The following KIRREL3 variants were observed in gnomAD, a reference collection of about 807,000 sequenced individuals.
The protein encoded by KIRREL3 is kin of IRRE-like protein 3.
In KIRREL3, 36 loss-of-function variants were observed where a neutral mutation model predicts 89.7. The ratio of observed to expected loss-of-function variants is 0.40; its 90% CI spans 0.31 to 0.53. The LOEUF (loss-of-function observed/expected upper bound fraction) is 0.53, where lower values mean the gene tolerates loss of function less well. Among genes scored for constraint, KIRREL3 ranks in the 20% least tolerant of loss-of-function variants. KIRREL3 has a pLI of 0.49. For synonymous variants in KIRREL3, 445 were observed against 441.4 expected, an observed-to-expected ratio of 1.01 and a Z score of -0.10; for missense variants, 864 against 1,056.6, an observed-to-expected ratio of 0.82 and a Z score of 2.53.
chr11:126,740,369 A>G lies in KIRREL3; in HGVS notation c.56-177457T>C, dbSNP rs1948940298. Reference sequence around the variant, plus strand: ...TGCTGCATTGCTAAACTCAGTGGAGATGGTATTCATTCTGTGTTTGGTGCT... The same window carrying G: ...TGCTGCATTGCTAAACTCAGTGGAGGTGGTATTCATTCTGTGTTTGGTGCT... On this transcript the variant is annotated intron_variant, in intron 1 of 16. Coordinates refer to ENST00000525144, the MANE Select transcript of KIRREL3 (RefSeq NM_032531.4). The surrounding 1 kb of genome is among the most constrained non-coding windows in gnomAD (Gnocchi z 6.0). 6.6e-6 allele frequency among the ~76,000 whole-genome samples: 1 copy of G among 150,730 alleles called. No individual in the cohort carries two copies. Among genetic ancestry groups the G allele is most frequent in the South Asian group, 2.1e-4 (1 of 4,670 alleles).
Position 126,900,400 on chromosome 11 carries a change from A to G in KIRREL3, c.55+100055T>C, listed in dbSNP as rs1428893443. Among the ~76,000 whole-genome samples the G allele has an allele frequency of 1.3e-5, 2 of 152,254 alleles. No individual in the cohort carries two copies. Among genetic ancestry groups the G allele is most frequent in the African/African-American group, 4.8e-5 (2 of 41,470 alleles). On this transcript the variant is annotated intron_variant, in intron 1 of 16. Coordinates refer to ENST00000525144, the MANE Select transcript of KIRREL3 (RefSeq NM_032531.4). The surrounding 1 kb of genome is among the most constrained non-coding windows in gnomAD (Gnocchi z 4.4). The stretch of plus-strand genomic sequence containing the variant: ...TCTAGAAATAGAAATAACAAACACA[A>G]AAAAGAAAGCCTGCATGTTTATTGA...
At chr11:126,934,229 A>G (rs1234446523) in intron 1 of KIRREL3, among the ~76,000 whole-genome samples, 1 of 152,204 alleles carries the variant, frequency 6.6e-6, no homozygotes, top group Non-Finnish European at 1.5e-5. Flanking sequence ...AGTCTTTTCA[A>G]CAAATGGTTC....
chr11:126,617,212 G>A (rs186935871), intron 1 of KIRREL3, among the ~76,000 whole-genome samples: 2 of 152,368 alleles, frequency 1.3e-5, no homozygotes, highest in African/African-American at 4.8e-5. Context: ...TTACTTGCAA[G>A]TTGGAAAGGT....
At position 126,909,950 on chromosome 11, in the gene KIRREL3, G is replaced by A. The variant is rs1249463942; in HGVS notation, c.55+90505C>T. The stretch of plus-strand genomic sequence containing the variant: ...ATTAACTGAAGATGACAGGGAGCGA[G>A]GGATGGAAAGCGGGCAATTTGTTAA... On this transcript the variant is annotated intron_variant, in intron 1 of 16. Transcript: ENST00000525144. The surrounding 1 kb of genome is among the most constrained non-coding windows in gnomAD (Gnocchi z 4.5). Among the ~76,000 whole-genome samples the A allele has an allele frequency of 6.6e-6, 1 of 152,094 alleles. No individual in the cohort carries two copies. The highest frequency in any genetic ancestry group is 1.5e-5 in the Non-Finnish European group (1 of 68,018).
chr11:126,939,915 G>A (rs1291415475), intron 1 of KIRREL3, among the ~76,000 whole-genome samples: 1 of 152,098 alleles, frequency 6.6e-6, no homozygotes, highest in African/African-American at 2.4e-5. Flanking sequence ...TCATACAGGG[G>A]CCTTGGGACA....
intron 1 of KIRREL3, among the ~76,000 whole-genome samples, chr11:126,625,981 G>A (rs1011403710): frequency 6.6e-6 from 1 of 152,208 alleles, no homozygotes; most frequent in Non-Finnish European, 1.5e-5. Flanking sequence ...GTTGGGGGCT[G>A]TGTCTTTGTC....
intron 1 of KIRREL3, among the ~76,000 whole-genome samples, chr11:126,874,088 G>A (rs542805035): frequency 6.6e-6 from 1 of 152,230 alleles, no homozygotes; most frequent in Admixed American, 6.5e-5. Context: ...ATCCCCAACC[G>A]TTACTTAAAT....
intron 4 of KIRREL3, among the ~76,000 whole-genome samples, chr11:126,493,348 C>G (rs369242463): frequency 4.6e-5 from 7 of 152,110 alleles, no homozygotes; most frequent in East Asian, 3.9e-4. Context: ...GGTGAAACCC[C>G]ATCTCTACTA....
intron 2 of KIRREL3, among the ~76,000 whole-genome samples, chr11:126,554,667 C>G (rs955175351): frequency 6.6e-6 from 1 of 152,176 alleles, no homozygotes; most frequent in Non-Finnish European, 1.5e-5. Flanking sequence ...GGAGACCAAA[C>G]AGAGCCAACT....
chr11:126,585,390 C>T lies in KIRREL3; in HGVS notation c.56-22478G>A, dbSNP rs565912920. ...CTGGGATTACTGGCACTCACCACCACGCCCGGCTACATTTTGTATTTTCAG... is the reference window on the plus strand; with the variant it reads ...CTGGGATTACTGGCACTCACCACCATGCCCGGCTACATTTTGTATTTTCAG... On this transcript the variant is annotated intron_variant, in intron 1 of 16. Transcript: ENST00000525144. 1.3e-3 allele frequency among the ~76,000 whole-genome samples: 196 copies of T among 152,094 alleles called. 2 individuals are homozygous for T. The highest frequency in any genetic ancestry group is 4.1e-3 in the African/African-American group (169 of 41,476).
At chr11:126,923,408 C>T in intron 1 of KIRREL3, among the ~76,000 whole-genome samples, 1 of 136,212 alleles carries the variant, frequency 7.3e-6, no homozygotes, top group Non-Finnish European at 1.5e-5. Context: ...TCTTCTTCTT[C>T]TTCCTTCTTC....
At chr11:126,625,409 A>G (rs1943741629) in intron 1 of KIRREL3, among the ~76,000 whole-genome samples, 1 of 152,168 alleles carries the variant, frequency 6.6e-6, no homozygotes, top group Admixed American at 6.5e-5. Context: ...GTTGTAAGGA[A>G]TAAATTATTC....
intron 1 of KIRREL3, chr11:126,945,042 C>T (rs563455058): frequency 1.3e-5 from 2 of 152,366 alleles, no homozygotes; most frequent in African/African-American, 4.8e-5. Flanking sequence ...AACGGGGGCC[C>T]TCGCAACTCT....
rs34346465 is a variant in KIRREL3 at position 126,906,620 on chromosome 11, GTT to G, written c.55+93833_55+93834del. 6.6e-6 allele frequency among the ~76,000 whole-genome samples: 1 copy of G among 151,826 alleles called. No homozygotes were observed. Among genetic ancestry groups the G allele is most frequent in the Non-Finnish European group, 1.5e-5 (1 of 67,966 alleles). On this transcript the variant is annotated intron_variant, in intron 1 of 16. Transcript: ENST00000525144. The surrounding 1 kb of genome is among the most constrained non-coding windows in gnomAD (Gnocchi z 4.1). ...GCTTCAGATCTCCTTTCCTTTCACT[GTT>G]TTTTTTAGCATGTATGGGAACATTA...
chr11:126,697,444 C>T lies in KIRREL3; in HGVS notation c.56-134532G>A, dbSNP rs1947144683. On this transcript the variant is annotated intron_variant, in intron 1 of 16. Transcript: ENST00000525144. This position sits in a 1 kb window ranked among gnomAD's most constrained non-coding sequence, Gnocchi z 4.2. ...AGTTGCCAAAGCTTTTCCCACAGAC[C>T]CTGACTCAGAGGAGATATTCAATGA... Among the ~76,000 whole-genome samples, 1 of 152,112 alleles carries T rather than the reference C, an allele frequency of 6.6e-6. No homozygotes were observed. The highest frequency in any genetic ancestry group is 1.5e-5 in the Non-Finnish European group (1 of 68,022).
rs576235995 is a variant in KIRREL3, at chr11:126,624,842, C to G, written c.56-61930G>C. On this transcript the variant is annotated intron_variant, in intron 1 of 16. Transcript: ENST00000525144. The surrounding 1 kb of genome is among the most constrained non-coding windows in gnomAD (Gnocchi z 6.0). ...GATGGAAGGGCCCGTTGGATACTGA[C>G]CCAGGGCTTGGGGAGATAGCCTGCA... is the stretch of plus-strand genomic sequence containing the variant. Among the ~76,000 whole-genome samples, 7 of 152,276 alleles carry G rather than the reference C, an allele frequency of 4.6e-5. No homozygotes were observed. Among genetic ancestry groups the G allele is most frequent in the African/African-American group, 1.4e-4 (6 of 41,548 alleles).
In KIRREL3 at chr11:126,812,690, G is replaced by A. The variant is rs1222657212; in HGVS notation, c.55+187765C>T. ...GCCTTTGTCCATACAGCACCACACT[G>A]GGCGTCAGGGTCCTTTTGTTGGGAT... On this transcript the variant is annotated intron_variant, in intron 1 of 16. Transcript: ENST00000525144. This position sits in a 1 kb window ranked among gnomAD's most constrained non-coding sequence, Gnocchi z 5.2. Among the ~76,000 whole-genome samples the A allele has an allele frequency of 6.6e-6, 1 of 152,168 alleles. No homozygotes were observed. The highest frequency in any genetic ancestry group is 2.4e-5 in the African/African-American group (1 of 41,434).
rs1220332530 is a variant in KIRREL3 at position 126,575,759 on chromosome 11, T to G, written c.56-12847A>C. ...GTGGCTGTCCTGGGGCCGCTGTTCC[T>G]TCTATCAGGGATTCTCACACCCCTC... On this transcript the variant is annotated intron_variant, in intron 1 of 16. Coordinates refer to ENST00000525144, the MANE Select transcript of KIRREL3 (RefSeq NM_032531.4). This position sits in a 1 kb window ranked among gnomAD's most constrained non-coding sequence, Gnocchi z 7.0. Among the ~76,000 whole-genome samples the G allele has an allele frequency of 1.3e-5, 2 of 152,102 alleles. No individual in the cohort carries two copies. The highest frequency in any genetic ancestry group is 2.9e-5 in the Non-Finnish European group (2 of 68,008).
rs1958578103 is a variant in KIRREL3, at chr11:126,521,292, C to T, written c.433+23G>A. On this transcript the variant is annotated intron_variant, in intron 4 of 16. Coordinates refer to ENST00000525144, the MANE Select transcript of KIRREL3 (RefSeq NM_032531.4). The surrounding 1 kb of genome is among the most constrained non-coding windows in gnomAD (Gnocchi z 4.1). ...CTTGGTGCTTCACGCAGTGTCCCAG[C>T]CCCGTGTGCAGATGGTTCTTACCCA... The T allele has an allele frequency of 1.3e-6, 2 of 1,518,800 alleles. No individual in the cohort carries two copies. Among genetic ancestry groups the T allele is most frequent in the African/African-American group, 2.8e-5 (2 of 72,440 alleles). The allele number at this position is 1,518,800 out of a possible 1,614,324, so 94.1% of individuals were successfully genotyped here. A position where few individuals can be genotyped will look rare whatever the true frequency, so the allele number is the denominator to read the frequency against.
Sources: gnomAD v4.1 joint callset for allele counts (sites outside exome capture counted in the v4.1 genomes callset) on GRCh38, gnomAD v4.1.1 for gene constraint, Gnocchi (gnomAD v3.1) non-coding constraint, MANE v1.5 for transcripts, NCBI Gene and HGNC (gene_info 2026-07-23, HGNC 2026-07-21) for gene names.